FNDC3B: variants seen among roughly 807,000 people sequenced by gnomAD.
The protein encoded by FNDC3B is fibronectin type III domain-containing protein 3B.
FNDC3B carries 12 observed loss-of-function variants against 151.5 expected under a neutral mutation model. That is an observed-to-expected ratio of 0.08 (90% confidence interval 0.05 to 0.13). The LOEUF is 0.13. Among genes scored for constraint, FNDC3B ranks in the 10% least tolerant of loss-of-function variants. FNDC3B has a pLI of 1.00. For synonymous variants in FNDC3B, 528 were observed against 549.0 expected (o/e 0.96, Z 0.54); for missense variants, 1,214 against 1,505.3 (o/e 0.81, Z 3.20).
At chr3:172,070,111 G>A (rs1247056557) in intron 1 of FNDC3B, among the ~76,000 whole-genome samples, 1 of 152,108 alleles carries the variant, frequency 6.6e-6, no homozygotes, top group African/African-American at 2.4e-5. Flanking sequence ...ATGTCTCAAG[G>A]TTGGCTAACC....
At chr3:172,277,365 G>A (rs1484513043) in intron 6 of FNDC3B, among the ~76,000 whole-genome samples, 2 of 152,152 alleles carry the variant, frequency 1.3e-5, no homozygotes, top group Non-Finnish European at 1.5e-5. Flanking sequence ...GTCTGGTGAG[G>A]TCTGTCTTCC....
chr3:172,267,884 T>G (rs1171339643), intron 6 of FNDC3B, among the ~76,000 whole-genome samples: 1 of 152,240 alleles, frequency 6.6e-6, no homozygotes, highest in Non-Finnish European at 1.5e-5. Context: ...ATAGATTGAT[T>G]AGAGGTGTCT....
At chr3:172,395,988 T>A (rs2108399356) in intron 25 of FNDC3B, among the ~76,000 whole-genome samples, 1 of 152,316 alleles carries the variant, frequency 6.6e-6, no homozygotes, top group South Asian at 2.1e-4. Flanking sequence ...AGAAAACTGT[T>A]TCTTGTGAAG....
chr3:172,357,718 C>A (rs1019430219), intron 22 of FNDC3B, among the ~76,000 whole-genome samples: 1 of 152,084 alleles, frequency 6.6e-6, no homozygotes, highest in Non-Finnish European at 1.5e-5. Flanking sequence ...CATTTCATTC[C>A]ATTTTATCAG....
intron 22 of FNDC3B, 24 bp downstream of exon 22, chr3:172,353,107 T>C: frequency 1.9e-6 from 3 of 1,605,778 alleles, no homozygotes; most frequent in Non-Finnish European, 2.6e-6. Context: ...AGTAGAAATC[T>C]GCATCAGCAC....
At chr3:172,155,924 G>A (rs908377840) in intron 3 of FNDC3B, among the ~76,000 whole-genome samples, 1 of 152,168 alleles carries the variant, frequency 6.6e-6, no homozygotes, top group African/African-American at 2.4e-5. Context: ...CTGTTAATCC[G>A]TTGCAGTGGC....
At chr3:172,075,623 T>C (rs1395708690) in intron 1 of FNDC3B, among the ~76,000 whole-genome samples, 1 of 152,072 alleles carries the variant, frequency 6.6e-6, no homozygotes, top group Admixed American at 6.6e-5. Flanking sequence ...ATATTGAGCC[T>C]AAATTGGCAT....
chr3:172,206,428 G>A (rs1725428433), intron 3 of FNDC3B, among the ~76,000 whole-genome samples: 1 of 152,132 alleles, frequency 6.6e-6, no homozygotes, highest in Non-Finnish European at 1.5e-5. Flanking sequence ...GGAGGCCAAG[G>A]CTGGTGGATC....
intron 9 of FNDC3B, chr3:172,307,135 GA>G: frequency 2.0e-6 from 1 of 497,296 alleles, no homozygotes; most frequent in Non-Finnish European, 3.6e-6. Flanking sequence ...TGCCTATCTT[GA>G]AATGGAGCTG....
chr3:172,147,162 C>T (rs180945210), intron 3 of FNDC3B, among the ~76,000 whole-genome samples: 77 of 152,062 alleles, frequency 5.1e-4, no homozygotes, highest in Non-Finnish European at 9.7e-4. Flanking sequence ...AAAAATTAGC[C>T]AGGTGTGGTG....
intron 3 of FNDC3B, among the ~76,000 whole-genome samples, chr3:172,198,086 T>A (rs563973627): frequency 1.1e-3 from 173 of 152,366 alleles, no homozygotes; most frequent in African/African-American, 3.9e-3. Flanking sequence ...TCAAAATTCC[T>A]TTAACCCATC....
At chr3:172,394,257 G>A (rs1736170260) in intron 25 of FNDC3B, among the ~76,000 whole-genome samples, 1 of 151,406 alleles carries the variant, frequency 6.6e-6, no homozygotes, top group African/African-American at 2.4e-5. Flanking sequence ...GAGAAACTAA[G>A]CCCAAAGTTA....
intron 14 of FNDC3B, among the ~76,000 whole-genome samples, chr3:172,333,565 C>A (rs1047381037): frequency 1.4e-5 from 2 of 141,296 alleles, no homozygotes; most frequent in African/African-American, 5.3e-5. Flanking sequence ...AGGCTGGTCT[C>A]AATCTCCTGA....
At chr3:172,323,407 G>A in intron 11 of FNDC3B, among the ~76,000 whole-genome samples, 1 of 152,086 alleles carries the variant, frequency 6.6e-6, no homozygotes, top group South Asian at 2.1e-4. Context: ...TAGCTACTCA[G>A]GAGGCTGAGA....
chr3:172,117,881 G>A (rs1056880164), intron 2 of FNDC3B, among the ~76,000 whole-genome samples: 1 of 152,162 alleles, frequency 6.6e-6, no homozygotes, highest in African/African-American at 2.4e-5. Context: ...TCTTCAGAAA[G>A]TAGAACTCCT....
intron 3 of FNDC3B, among the ~76,000 whole-genome samples, chr3:172,208,646 TCAC>T (rs368497878): frequency 5.2e-4 from 79 of 152,222 alleles, no homozygotes; most frequent in African/African-American, 1.8e-3. Context: ...GGGTGTCACT[TCAC>T]CAGCCAGAAA....
At chr3:172,047,556 C>T (rs1051823025) in intron 1 of FNDC3B, among the ~76,000 whole-genome samples, 1 of 152,170 alleles carries the variant, frequency 6.6e-6, no homozygotes, top group African/African-American at 2.4e-5. Flanking sequence ...AATGCATTCA[C>T]TGATGCTGGT....
At chr3:172,047,537 A>G (rs1209082844) in intron 1 of FNDC3B, among the ~76,000 whole-genome samples, 1 of 152,200 alleles carries the variant, frequency 6.6e-6, no homozygotes, top group Non-Finnish European at 1.5e-5. Flanking sequence ...AAGCAGTGTA[A>G]AAATGCAGAA....
intron 1 of FNDC3B, among the ~76,000 whole-genome samples, chr3:172,041,449 CCTTCT>C (rs1716065329): frequency 1.4e-5 from 2 of 139,262 alleles, no homozygotes; most frequent in East Asian, 2.2e-4. Context: ...TTCCTTCCTT[CCTTCT>C]CTTCTCCTCC....
Sources: gnomAD v4.1 joint callset for allele counts (sites outside exome capture counted in the v4.1 genomes callset) on GRCh38, gnomAD v4.1.1 for gene constraint, MANE v1.5 for transcripts, NCBI Gene and HGNC (gene_info 2026-07-23, HGNC 2026-07-21) for gene names.